Variants in SGCZ observed in about 807,000 individuals in gnomAD.
The protein encoded by SGCZ is sarcoglycan zeta, also known as zeta-sarcoglycan.
Under a neutral mutation model 41.3 loss-of-function variants are expected in SGCZ, and 40 were observed. The observed-to-expected ratio is 0.97, with a 90% CI of 0.75 to 1.26. The LOEUF (loss-of-function observed/expected upper bound fraction) is 1.26. Ranked by LOEUF, SGCZ falls within the 50% of genes most tolerant of loss-of-function variation. SGCZ has a pLI of 0.00. For synonymous variants in SGCZ, 206 were observed against 137.5 expected, an observed-to-expected ratio of 1.50 and a Z score of -3.49; for missense variants, 552 against 369.8, an observed-to-expected ratio of 1.49 and a Z score of -4.04.
intron 1 of SGCZ, among the ~76,000 whole-genome samples, chr8:14,679,757 T>A (rs1808384371): frequency 6.6e-6 from 1 of 152,068 alleles, no homozygotes; most frequent in East Asian, 1.9e-4. Context: ...TAATGTCTTA[T>A]CCCTTTATAT....
chr8:14,469,940 G>C (rs1801167173), intron 2 of SGCZ, among the ~76,000 whole-genome samples: 1 of 152,104 alleles, frequency 6.6e-6, no homozygotes, highest in Non-Finnish European at 1.5e-5. Context: ...ACCAGTAAAT[G>C]TGTTTATCTG....
At chr8:14,584,836 A>G (rs1337120601) in intron 1 of SGCZ, among the ~76,000 whole-genome samples, 1 of 152,100 alleles carries the variant, frequency 6.6e-6, no homozygotes, top group Non-Finnish European at 1.5e-5. Flanking sequence ...TATGATCACA[A>G]TGACAGAGAT....
intron 1 of SGCZ, among the ~76,000 whole-genome samples, chr8:15,131,987 G>C (rs17120983): frequency 0.066 from 9,991 of 152,232 alleles, 337 homozygotes; most frequent in Middle Eastern, 0.13. Flanking sequence ...ACAGAGCTAA[G>C]CAATTTAACA....
At chr8:14,268,833 T>G (rs1056292273) in intron 3 of SGCZ, among the ~76,000 whole-genome samples, 8 of 151,898 alleles carry the variant, frequency 5.3e-5, no homozygotes, top group Admixed American at 2.6e-4. Flanking sequence ...ATCTGAATTC[T>G]TGAAGTATGT....
chr8:14,784,913 A>AAAAAAATATATATATATAT (rs1408574493), intron 1 of SGCZ, among the ~76,000 whole-genome samples: 6 of 88,036 alleles, frequency 6.8e-5, no homozygotes, highest in African/African-American at 2.8e-4. Flanking sequence ...AAAAAAAAAA[A>AAAAAAATATATATATATAT]ATATATATAT....
At chr8:14,864,519 G>A (rs936382611) in intron 1 of SGCZ, among the ~76,000 whole-genome samples, 5 of 152,014 alleles carry the variant, frequency 3.3e-5, no homozygotes, top group African/African-American at 1.2e-4. Flanking sequence ...TAATGTTCCT[G>A]TCCCACTAGA....
chr8:14,604,380 A>G (rs1254139450), intron 1 of SGCZ, among the ~76,000 whole-genome samples: 2 of 152,178 alleles, frequency 1.3e-5, no homozygotes, highest in African/African-American at 2.4e-5. Flanking sequence ...GATGTCTGCC[A>G]TGGGCATATA....
intron 1 of SGCZ, among the ~76,000 whole-genome samples, chr8:15,232,417 C>T (rs1801972707): frequency 6.6e-6 from 1 of 151,986 alleles, no homozygotes; most frequent in African/African-American, 2.4e-5. Flanking sequence ...GGAACATATG[C>T]TAAGTAATGA....
At chr8:15,221,255 G>A (rs1801590938) in intron 1 of SGCZ, among the ~76,000 whole-genome samples, 1 of 152,162 alleles carries the variant, frequency 6.6e-6, no homozygotes. Flanking sequence ...GAAGAAGGGT[G>A]TATTAAAATA....
intron 2 of SGCZ, among the ~76,000 whole-genome samples, chr8:14,484,337 C>T (rs982042072): frequency 3.3e-5 from 5 of 152,128 alleles, no homozygotes; most frequent in African/African-American, 9.7e-5. Flanking sequence ...GCAAACGATG[C>T]AAGTTAGTGA....
intron 3 of SGCZ, among the ~76,000 whole-genome samples, chr8:14,283,002 A>G (rs1249248170): frequency 6.6e-6 from 1 of 150,538 alleles, no homozygotes; most frequent in African/African-American, 2.4e-5. Flanking sequence ...GGTGCCCGCC[A>G]CCACGCCCGG....
chr8:14,528,408 A>G (rs1803018742), intron 2 of SGCZ, among the ~76,000 whole-genome samples: 1 of 152,096 alleles, frequency 6.6e-6, no homozygotes, highest in African/African-American at 2.4e-5. Flanking sequence ...ATCACTCCAG[A>G]TTACTCCTCT....
chr8:14,792,688 G>C (rs1800994514), intron 1 of SGCZ, among the ~76,000 whole-genome samples: 1 of 151,936 alleles, frequency 6.6e-6, no homozygotes, highest in African/African-American at 2.4e-5. Context: ...TTTAGCATTA[G>C]GTATATGTCC....
intron 1 of SGCZ, among the ~76,000 whole-genome samples, chr8:15,012,802 T>C (rs1054204269): frequency 6.7e-6 from 1 of 150,134 alleles, no homozygotes; most frequent in Non-Finnish European, 1.5e-5. Flanking sequence ...TGTGTGCATA[T>C]ATATATATAC....
intron 2 of SGCZ, among the ~76,000 whole-genome samples, chr8:14,446,949 T>C (rs543470241): frequency 5.9e-5 from 9 of 152,346 alleles, no homozygotes; most frequent in Non-Finnish European, 1.0e-4. Context: ...CAATATATTT[T>C]ACCAAAAGAT....
chr8:15,024,792 C>T (rs575375010), intron 1 of SGCZ, among the ~76,000 whole-genome samples: 13 of 151,968 alleles, frequency 8.6e-5, no homozygotes, highest in African/African-American at 2.9e-4. Flanking sequence ...AAAAATTAGC[C>T]GGGCATGGTG....
chr8:14,725,487 G>T (rs913012000), intron 1 of SGCZ, among the ~76,000 whole-genome samples: 2 of 152,102 alleles, frequency 1.3e-5, no homozygotes, highest in African/African-American at 4.8e-5. Context: ...GGTAGCATCT[G>T]TTATTTTTTG....
chr8:14,508,410 G>C (rs1041452547), intron 2 of SGCZ, among the ~76,000 whole-genome samples: 3 of 152,144 alleles, frequency 2.0e-5, no homozygotes, highest in Non-Finnish European at 4.4e-5. Flanking sequence ...CATTTTAACA[G>C]AGGTAATTCT....
At chr8:14,797,341 G>A (rs932198505) in intron 1 of SGCZ, among the ~76,000 whole-genome samples, 1 of 152,162 alleles carries the variant, frequency 6.6e-6, no homozygotes, top group Non-Finnish European at 1.5e-5. Flanking sequence ...AGCTGAGATG[G>A]TCTCAGATGG....
Sources: allele counts gnomAD v4.1 joint callset (sites outside exome capture counted in the v4.1 genomes callset), GRCh38; gene constraint gnomAD v4.1.1; transcripts MANE v1.5; gene names NCBI Gene and HGNC (gene_info 2026-07-23, HGNC 2026-07-21).